Variants in NBR1 observed in about 807,000 individuals in gnomAD.
NBR1 encodes the protein next to BRCA1 gene 1 protein.
In NBR1, 59 loss-of-function variants were observed where a neutral mutation model predicts 115.5. The observed-to-expected ratio is 0.51, with a 90% CI of 0.41 to 0.63. The LOEUF is 0.63. Ranked by LOEUF, NBR1 falls within the 30% of genes least tolerant of loss-of-function variation. The pLI is 0.00. For synonymous variants in NBR1, 373 were observed against 414.7 expected (o/e 0.90, Z 1.22); for missense variants, 1,043 against 1,150.5 (o/e 0.91, Z 1.35).
chr17:43,201,829 G>A, intron 18 of NBR1, 49 bp downstream of exon 18: 1 of 1,080,200 alleles, frequency 9.3e-7, no homozygotes, highest in Non-Finnish European at 1.4e-6. Context: ...CCTGTCTAAT[G>A]GAAACCAGGT....
At chr17:43,207,007 G>T (rs1261628690) in intron 20 of NBR1, among the ~76,000 whole-genome samples, 1 of 152,178 alleles carries the variant, frequency 6.6e-6, no homozygotes, top group Non-Finnish European at 1.5e-5. Context: ...AGAGGCTGCA[G>T]TGAGCTGAGG....
chr17:43,201,733 C>T lies in NBR1; in HGVS notation c.2516C>T (p.Pro839Leu). ...HHHGSPGVDL[P>L]VTIPEVSSVP... ...CATGGTTCCCCAGGAGTGGATTTAC[C>T]AGTTACCATACCAGAAGTTTCTTCA... The change falls in exon 18 of 21, where the codon CCA becomes CTA. Residue 839 changes from proline (P) to leucine (L), a missense_variant. Coordinates refer to ENST00000590996, the MANE Select transcript of NBR1 (RefSeq NM_005899.5). The T allele has an allele frequency of 6.2e-7, 1 of 1,609,398 alleles. No individual in the cohort carries two copies. Among genetic ancestry groups the T allele is most frequent in the Non-Finnish European group, 8.5e-7 (1 of 1,175,734 alleles).
chr17:43,185,529 G>A (rs1199151620), intron 5 of NBR1, among the ~76,000 whole-genome samples: 1 of 151,872 alleles, frequency 6.6e-6, no homozygotes, highest in African/African-American at 2.4e-5. Context: ...TGAGACTCCT[G>A]TCTCCAAACT....
chr17:43,187,253 T>A (rs2056829616), intron 6 of NBR1, among the ~76,000 whole-genome samples: 1 of 152,186 alleles, frequency 6.6e-6, no homozygotes, highest in Non-Finnish European at 1.5e-5. Flanking sequence ...CGATCTCGGC[T>A]TATTGCAAGC....
At chr17:43,190,467 T>C (rs1203089094) in intron 8 of NBR1, 142 bp from the exon 9 acceptor site, 1 of 789,362 alleles carries the variant, frequency 1.3e-6, no homozygotes, top group East Asian at 2.7e-5. Flanking sequence ...ATGAGGAAAA[T>C]TGAGGCATGG....
chr17:43,174,192 C>G (rs1234590678), intron 1 of NBR1, among the ~76,000 whole-genome samples: 1 of 151,938 alleles, frequency 6.6e-6, no homozygotes, highest in East Asian at 1.9e-4. Context: ...CCTTTGGTTA[C>G]AGCAAATTGG....
At chr17:43,182,413 G>C (rs1274487060) in intron 5 of NBR1, among the ~76,000 whole-genome samples, 1 of 151,012 alleles carries the variant, frequency 6.6e-6, no homozygotes, top group Non-Finnish European at 1.5e-5. Flanking sequence ...GTAGAGACAG[G>C]GTTTCGCCTT....
chr17:43,178,788 A>G (rs926533622), intron 3 of NBR1, among the ~76,000 whole-genome samples: 9 of 130,272 alleles, frequency 6.9e-5, no homozygotes, highest in African/African-American at 2.6e-4. Context: ...TTTTTTTTTT[A>G]AAGAGGGTCT....
chr17:43,193,303 T>C (rs959351637), intron 11 of NBR1, 45 bp from the exon 12 acceptor site: 3 of 1,612,726 alleles, frequency 1.9e-6, no homozygotes, highest in Non-Finnish European at 2.5e-6. Context: ...AGTGGCAGAG[T>C]GCTCAGCTGA....
intron 4 of NBR1, among the ~76,000 whole-genome samples, chr17:43,180,547 C>T (rs894889546): frequency 2.0e-5 from 3 of 152,088 alleles, no homozygotes; most frequent in Non-Finnish European, 4.4e-5. Context: ...GTGCCCTGAG[C>T]CCTCCCCAGA....
At chr17:43,175,989 C>T in intron 2 of NBR1, 88 bp downstream of exon 2, 1 of 739,264 alleles carries the variant, frequency 1.4e-6, no homozygotes, top group Non-Finnish European at 2.3e-6. Context: ...TGTTTCATAG[C>T]TGTGAAGTCT....
At chr17:43,201,430 C>T (rs889568096) in intron 17 of NBR1, among the ~76,000 whole-genome samples, 1 of 152,150 alleles carries the variant, frequency 6.6e-6, no homozygotes, top group African/African-American at 2.4e-5. Flanking sequence ...TAGACATTTC[C>T]GTTTATTGAC....
At chr17:43,172,416 AAG>A (rs1300643911) in intron 1 of NBR1, among the ~76,000 whole-genome samples, 3 of 152,204 alleles carry the variant, frequency 2.0e-5, no homozygotes, top group Non-Finnish European at 4.4e-5. Flanking sequence ...ATTTGAGAAA[AAG>A]AGAGGAAGAT....
chr17:43,204,629 A>G (rs1203788144), intron 20 of NBR1, among the ~76,000 whole-genome samples: 2 of 151,960 alleles, frequency 1.3e-5, no homozygotes, highest in East Asian at 3.9e-4. Flanking sequence ...ATCCTGGCCA[A>G]CATGGTGAAA....
At chr17:43,190,067 G>A (rs536063544) in intron 8 of NBR1, 1 of 469,988 alleles carries the variant, frequency 2.1e-6, no homozygotes, top group Non-Finnish European at 3.8e-6. Flanking sequence ...GATCACTAAG[G>A]GTAGTTCCTC....
chr17:43,207,907 G>A (rs2057346994), intron 20 of NBR1, among the ~76,000 whole-genome samples: 1 of 152,162 alleles, frequency 6.6e-6, no homozygotes, highest in Non-Finnish European at 1.5e-5. Context: ...ATGCTTGAGA[G>A]TCACTTGCCT....
chr17:43,184,372 C>CTTTTTTTTTTTTTT (rs71160024), intron 5 of NBR1, among the ~76,000 whole-genome samples: 5,462 of 95,868 alleles, frequency 0.057, 961 homozygotes, highest in East Asian at 0.14. Context: ...AAATACTATT[C>CTTTTTTTTTTTTTT]TTTTTTTTTT....
At chr17:43,195,672 T>C (rs1308573361) in intron 14 of NBR1, 2 of 137,326 alleles carry the variant, frequency 1.5e-5, no homozygotes, top group East Asian at 4.3e-4. Context: ...AAAAAAAAAA[T>C]TAGCTTGGCA....
chr17:43,182,306 C>T (rs1295310371), intron 5 of NBR1, among the ~76,000 whole-genome samples: 1 of 150,260 alleles, frequency 6.7e-6, no homozygotes. Context: ...CAACCTCCAC[C>T]TCTGGGGTTC....
Sources: gnomAD v4.1 joint callset for allele counts (sites outside exome capture counted in the v4.1 genomes callset) on GRCh38, gnomAD v4.1.1 for gene constraint, MANE v1.5 for transcripts, NCBI Gene and HGNC (gene_info 2026-07-23, HGNC 2026-07-21) for gene names.